CDC42BPB: variants seen among roughly 807,000 people sequenced by gnomAD.
The protein encoded by CDC42BPB is serine/threonine-protein kinase MRCK beta.
Under a neutral mutation model 214.9 loss-of-function variants are expected in CDC42BPB, and 37 were observed. The observed-to-expected ratio is 0.17, with a 90% CI of 0.13 to 0.23. The LOEUF (loss-of-function observed/expected upper bound fraction) is 0.23, where lower values mean the gene tolerates loss of function less well. CDC42BPB is among the 10% of genes least tolerant of loss of function. The pLI, the probability that CDC42BPB is intolerant of heterozygous loss-of-function variation, is 1.00. For missense variants in CDC42BPB, 1,694 were observed against 2,227.0 expected (o/e 0.76, Z 4.82); for synonymous variants, 931 against 884.0 (o/e 1.05, Z -0.94).
intron 1 of CDC42BPB, among the ~76,000 whole-genome samples, chr14:103,056,557 G>A (rs1317844955): frequency 6.6e-6 from 1 of 151,880 alleles, no homozygotes; most frequent in East Asian, 1.9e-4. Flanking sequence ...GGACCCCAAA[G>A]GCGAGGTGCG....
Position 103,041,565 on chromosome 14 carries a change from C to T in CDC42BPB, c.175+15434G>A, listed in dbSNP as rs1048296220. 7 of 1,234,744 alleles carry T rather than the reference C, an allele frequency of 5.7e-6. No homozygotes were observed. In the Admixed American group the frequency reaches 1.2e-4, roughly 21 times the overall value. The allele number at this position is 1,234,744 out of a possible 1,614,324, so 76.5% of individuals were successfully genotyped here. On this transcript the variant is annotated intron_variant, in intron 1 of 36. Coordinates refer to ENST00000361246, the MANE Select transcript of CDC42BPB (RefSeq NM_006035.4). ...TTCAACCAGCCGGCCCGAAGATCCG[C>T]AGATGCAAGGCCGGGCAAGCTAAAG...
chr14:102,952,102 C>T (rs1212596244), intron 24 of CDC42BPB, among the ~76,000 whole-genome samples: 1 of 152,088 alleles, frequency 6.6e-6, no homozygotes, highest in Non-Finnish European at 1.5e-5. Context: ...AATTCCAGCA[C>T]TTCGGGAGGC....
chr14:103,030,673 G>A (rs2139703271), intron 1 of CDC42BPB, among the ~76,000 whole-genome samples: 1 of 152,250 alleles, frequency 6.6e-6, no homozygotes, highest in African/African-American at 2.4e-5. Context: ...TCCAGCCTGG[G>A]TGACAGAGGG....
intron 1 of CDC42BPB, among the ~76,000 whole-genome samples, chr14:103,054,159 A>G (rs775296916): frequency 2.0e-4 from 31 of 152,162 alleles, no homozygotes; most frequent in Non-Finnish European, 3.8e-4. Context: ...CCACTGCACC[A>G]GGCCATAATC....
At chr14:102,954,386 A>G in intron 22 of CDC42BPB, 111 bp from the exon 23 acceptor site, 6 of 1,444,332 alleles carry the variant, frequency 4.2e-6, no homozygotes, top group Non-Finnish European at 5.5e-6. Flanking sequence ...ACAGTTCTGC[A>G]TTTTTAATTT....
rs781223633 is a variant in CDC42BPB, at chr14:102,950,418, T to G, written c.3309+48A>C. On this transcript the variant is annotated intron_variant, in intron 25 of 36. Transcript: ENST00000361246. ...GTGGCTGGGCATGGCTATTGGTCACTGCACCTCACAGGCACCGAGGGCTGA... is the reference window on the plus strand; with the variant it reads ...GTGGCTGGGCATGGCTATTGGTCACGGCACCTCACAGGCACCGAGGGCTGA... The G allele has an allele frequency of 2.5e-6, 4 of 1,605,938 alleles. No individual in the cohort carries two copies. The African/African-American group carries it at 4.0e-5, about 16-fold the overall frequency.
intron 3 of CDC42BPB, among the ~76,000 whole-genome samples, chr14:103,008,158 A>G (rs138336144): frequency 6.6e-6 from 1 of 152,356 alleles, no homozygotes; most frequent in African/African-American, 2.4e-5. Context: ...CCTTTTGTGT[A>G]TGGAGCAGAA....
intron 1 of CDC42BPB, among the ~76,000 whole-genome samples, chr14:103,056,564 T>C (rs369933347): frequency 1.1e-5 from 1 of 94,282 alleles, no homozygotes; most frequent in African/African-American, 3.9e-5. Flanking sequence ...AAAGGCGAGG[T>C]GCGGGGGCGG....
chr14:102,991,152 T>G (rs1457991915), intron 5 of CDC42BPB, among the ~76,000 whole-genome samples: 1 of 152,186 alleles, frequency 6.6e-6, no homozygotes, highest in East Asian at 1.9e-4. Context: ...TCTAACAAAA[T>G]CTTAACTGCG....
intron 1 of CDC42BPB, among the ~76,000 whole-genome samples, chr14:103,035,401 A>G (rs193102347): frequency 2.6e-5 from 4 of 152,150 alleles, no homozygotes; most frequent in African/African-American, 9.6e-5. Context: ...ACTCTCTAAA[A>G]TATTTTTCAG....
chr14:102,943,676 A>T lies in CDC42BPB; in HGVS notation c.4408+215T>A. On this transcript the variant is annotated intron_variant, in intron 30 of 36. Transcript: ENST00000361246. The surrounding 1 kb of genome is among the most constrained non-coding windows in gnomAD (Gnocchi z 4.6). Reference sequence around the variant, plus strand: ...CTGGAAGAACCGGCCCCATGTGCTCAGGGAGAGAGGTTGCTGAGCCCGCCT... The same window carrying T: ...CTGGAAGAACCGGCCCCATGTGCTCTGGGAGAGAGGTTGCTGAGCCCGCCT... 1 of 555,042 alleles carries T rather than the reference A, an allele frequency of 1.8e-6. No homozygotes were observed. Among genetic ancestry groups the T allele is most frequent in the Non-Finnish European group, 3.2e-6 (1 of 316,290 alleles). The allele number at this position is 555,042 out of a possible 1,614,324, so 34.4% of individuals were successfully genotyped here.
intron 36 of CDC42BPB, chr14:102,934,127 T>C: frequency 1.3e-6 from 1 of 787,896 alleles, no homozygotes; most frequent in East Asian, 6.2e-5. Context: ...CCGGACGCAG[T>C]GGCTCCTGCC....
chr14:102,983,588 C>T lies in CDC42BPB; in HGVS notation c.859G>A (p.Val287Met), dbSNP rs767414589. 33 of 1,609,232 alleles carry T rather than the reference C, an allele frequency of 2.1e-5. No individual in the cohort carries two copies. The highest frequency in any genetic ancestry group is 3.3e-5 in the Admixed American group (2 of 59,996). The change falls in exon 7 of 37, where the codon GTG becomes ATG. Residue 287 changes from valine (V) to methionine (M), a missense_variant. This residue lies in a region of CDC42BPB where 225 missense variants were observed against 459.3 expected (regional missense o/e 0.49). Transcript: ENST00000361246. ...TTCATGATCTTCCCATAGGTCTCCA[C>T]GAGTGACTCCGCATAAAACGGCGTT... ...GETPFYAESLVETYGKIMNHE... is the reference protein window; with the variant it reads ...GETPFYAESLMETYGKIMNHE...
At chr14:103,035,762 C>A (rs1219841882) in intron 1 of CDC42BPB, among the ~76,000 whole-genome samples, 1 of 152,048 alleles carries the variant, frequency 6.6e-6, no homozygotes, top group African/African-American at 2.4e-5. Flanking sequence ...ATGGCATGAA[C>A]CCGGGAGGCG....
chr14:102,947,058 G>T (rs1227627128), intron 27 of CDC42BPB, among the ~76,000 whole-genome samples: 1 of 152,218 alleles, frequency 6.6e-6, no homozygotes. Context: ...ATGCCTCCCT[G>T]TGAGCAGCCT....
rs745638468 is a variant in CDC42BPB at position 102,938,322 on chromosome 14, G to A, written c.4917C>T (p.Ile1639=). ...RQPPSRNKPY[I]SWPSSGGSEP... is the part of the protein sequence containing the mutation. Reference sequence around the variant, plus strand: ...CCCCTGTACCTGATGAGGGCCACGAGATGTAGGGCTTGTTCCTGGATGGAG... The same window carrying A: ...CCCCTGTACCTGATGAGGGCCACGAAATGTAGGGCTTGTTCCTGGATGGAG... The change falls in exon 35 of 37, where the codon ATC becomes ATT. Residue 1639 remains isoleucine (I), a synonymous_variant. Coordinates refer to ENST00000361246, the MANE Select transcript of CDC42BPB (RefSeq NM_006035.4). 1 of 1,607,942 alleles carries A rather than the reference G, an allele frequency of 6.2e-7. No homozygotes were observed. Among genetic ancestry groups the A allele is most frequent in the African/African-American group, 1.3e-5 (1 of 74,838 alleles).
chr14:102,994,386 T>C (rs1009196337), intron 5 of CDC42BPB, among the ~76,000 whole-genome samples: 2 of 151,778 alleles, frequency 1.3e-5, no homozygotes, highest in African/African-American at 4.8e-5. Flanking sequence ...TTTTTTTAAG[T>C]GAACTTGCTG....
At chr14:102,990,284 T>C (rs931631980) in intron 5 of CDC42BPB, among the ~76,000 whole-genome samples, 4 of 152,178 alleles carry the variant, frequency 2.6e-5, no homozygotes, top group African/African-American at 9.7e-5. Context: ...AAGTGACTTA[T>C]GAACACAGAA....
intron 36 of CDC42BPB, 99 bp from the exon 37 acceptor site, chr14:102,933,942 G>A (rs1166687894): frequency 2.2e-5 from 31 of 1,439,264 alleles, no homozygotes; most frequent in South Asian, 6.1e-5. Context: ...GACAACTGTC[G>A]CAACTGCTCT....
Sources: allele counts gnomAD v4.1 joint callset (sites outside exome capture counted in the v4.1 genomes callset), GRCh38; gene constraint gnomAD v4.1.1; regional missense constraint gnomAD v4.1.1; non-coding constraint Gnocchi (gnomAD v3.1); transcripts MANE v1.5; gene names NCBI Gene and HGNC (gene_info 2026-07-23, HGNC 2026-07-21).